CRPPA: variants seen among roughly 807,000 people sequenced by gnomAD.
CRPPA encodes the protein D-ribitol-5-phosphate cytidylyltransferase.
CRPPA carries 43 observed loss-of-function variants against 52.0 expected under a neutral mutation model. That is an observed-to-expected ratio of 0.83 (90% CI 0.65 to 1.07). CRPPA has a LOEUF of 1.07. Ranked by LOEUF, CRPPA falls within the 50% of genes least tolerant of loss-of-function variation. The probability of loss-of-function intolerance (pLI) is 0.00; values close to 1 mark genes in which losing one functional copy is unlikely to be tolerated. For synonymous variants in CRPPA, 250 were observed against 203.5 expected (o/e 1.23, Z -1.94); for missense variants, 629 against 551.7 (o/e 1.14, Z -1.40).
intron 5 of CRPPA, among the ~76,000 whole-genome samples, chr7:16,295,091 C>A (rs1192170081): frequency 6.6e-6 from 1 of 151,944 alleles, no homozygotes; most frequent in East Asian, 1.9e-4. Context: ...GCAGTCAATG[C>A]CAATTAAAAG....
At chr7:16,256,395 C>T (rs1009181836) in intron 8 of CRPPA, among the ~76,000 whole-genome samples, 1 of 152,172 alleles carries the variant, frequency 6.6e-6, no homozygotes, top group Middle Eastern at 3.2e-3. Context: ...CCATTAGACC[C>T]AGCAATCCCA....
chr7:16,351,858 C>T (rs4392789), intron 3 of CRPPA, among the ~76,000 whole-genome samples: 140,847 of 152,196 alleles, frequency 0.93, 65,415 homozygotes, highest in East Asian at 0.98. Context: ...AGTGTGGCAA[C>T]TCCTCAAGAA....
chr7:16,214,742 AG>A (rs1782258474), intron 9 of CRPPA, among the ~76,000 whole-genome samples: 1 of 152,064 alleles, frequency 6.6e-6, no homozygotes, highest in African/African-American at 2.4e-5. Flanking sequence ...CCTAACCTCA[AG>A]TGATCCGCCC....
chr7:16,252,373 C>G (rs773671120), intron 8 of CRPPA, among the ~76,000 whole-genome samples: 3 of 152,138 alleles, frequency 2.0e-5, no homozygotes, highest in East Asian at 1.9e-4. Flanking sequence ...TAAAAACTCT[C>G]AATAAACTAA....
At chr7:16,414,704 G>C (rs1430081218) in intron 1 of CRPPA, among the ~76,000 whole-genome samples, 1 of 152,146 alleles carries the variant, frequency 6.6e-6, no homozygotes, top group Admixed American at 6.5e-5. Context: ...CGAAAACTAA[G>C]ATTCCCTTTA....
intron 5 of CRPPA, among the ~76,000 whole-genome samples, 188 bp downstream of exon 5, chr7:16,301,233 T>TCATA (rs1297961257): frequency 6.6e-6 from 1 of 152,218 alleles, no homozygotes; most frequent in African/African-American, 2.4e-5. Context: ...CAATGTGGTA[T>TCATA]CATAGTAACT....
intron 9 of CRPPA, among the ~76,000 whole-genome samples, chr7:16,136,674 AT>A (rs992313183): frequency 6.4e-4 from 98 of 152,328 alleles, no homozygotes; most frequent in African/African-American, 2.3e-3. Context: ...AGCTGTCTCC[AT>A]TACGTTAAGT....
rs541393594 is a variant in CRPPA at position 16,179,424 on chromosome 7, T to A, written c.1251+36642A>T. ...TAAAGATCTTGAAATGAGAAGGTTA[T>A]CCTGGATTATCTTTATCTGAGTGGG... On this transcript the variant is annotated intron_variant, in intron 9 of 9. Coordinates refer to ENST00000407010, the MANE Select transcript of CRPPA (RefSeq NM_001101426.4). Among the ~76,000 whole-genome samples the A allele has an allele frequency of 2.4e-3, 364 of 152,008 alleles. 2 individuals are homozygous for A. Among genetic ancestry groups the A allele is most frequent in the South Asian group, 3.5e-3 (17 of 4,818 alleles).
intron 6 of CRPPA, among the ~76,000 whole-genome samples, chr7:16,266,861 G>T (rs370599533): frequency 8.5e-5 from 13 of 152,154 alleles, no homozygotes; most frequent in African/African-American, 2.4e-4. Context: ...TCTTTCTGTC[G>T]AGCTTTCATG....
intron 9 of CRPPA, among the ~76,000 whole-genome samples, chr7:16,145,907 G>C (rs1304931009): frequency 6.6e-6 from 1 of 151,990 alleles, no homozygotes; most frequent in Non-Finnish European, 1.5e-5. Flanking sequence ...CTTTTTCAAA[G>C]AAATAATGAC....
chr7:16,271,060 T>C (rs1188597341), intron 6 of CRPPA, among the ~76,000 whole-genome samples: 1 of 152,062 alleles, frequency 6.6e-6, no homozygotes, highest in South Asian at 2.1e-4. Context: ...AGAGCATGCT[T>C]TACACGTGAT....
At chr7:16,244,671 G>A (rs1048341741) in intron 8 of CRPPA, among the ~76,000 whole-genome samples, 3 of 152,156 alleles carry the variant, frequency 2.0e-5, no homozygotes, top group East Asian at 1.9e-4. Flanking sequence ...AAGTGATGAC[G>A]CTGCAAATGA....
At chr7:16,117,868 T>C (rs142623641) in intron 9 of CRPPA, among the ~76,000 whole-genome samples, 3 of 152,222 alleles carry the variant, frequency 2.0e-5, no homozygotes, top group Non-Finnish European at 4.4e-5. Context: ...TATGCAACAT[T>C]GCACTTGTGT....
chr7:16,264,876 C>T (rs1783911248), intron 6 of CRPPA, among the ~76,000 whole-genome samples: 1 of 152,116 alleles, frequency 6.6e-6, no homozygotes, highest in Non-Finnish European at 1.5e-5. Context: ...GACTCTGGTA[C>T]CAAGATCCCT....
At chr7:16,397,894 C>CA (rs1320750264) in intron 2 of CRPPA, among the ~76,000 whole-genome samples, 3 of 152,028 alleles carry the variant, frequency 2.0e-5, no homozygotes, top group African/African-American at 7.2e-5. Context: ...AACGTGTGAC[C>CA]AAAGCATGTT....
At chr7:16,222,360 G>A (rs1469829730) in intron 8 of CRPPA, among the ~76,000 whole-genome samples, 1 of 147,864 alleles carries the variant, frequency 6.8e-6, no homozygotes, top group Admixed American at 6.8e-5. Flanking sequence ...CGAGTTAGTG[G>A]GTGCAGCGCA....
At position 16,376,028 on chromosome 7, in the gene CRPPA, A is replaced by C. The variant is rs1320832546; in HGVS notation, c.684+64T>G. The C allele has an allele frequency of 4.0e-6, 6 of 1,485,570 alleles. No individual in the cohort carries two copies. In the East Asian group the frequency reaches 1.2e-4, roughly 31 times the overall value. The allele number at this position is 1,485,570 out of a possible 1,614,324, so 92.0% of individuals were successfully genotyped here. On this transcript the variant is annotated intron_variant, in intron 3 of 9. Transcript: ENST00000407010. ...TCCCATCAGTTCTGGAAATTCTCCA[A>C]ATGTGGAGGTTGTTTGGGGAACCTG...
chr7:16,121,658 A>T (rs954363724), intron 9 of CRPPA, among the ~76,000 whole-genome samples: 13 of 152,096 alleles, frequency 8.5e-5, no homozygotes, highest in African/African-American at 3.1e-4. Flanking sequence ...TTGAGTCAAA[A>T]TGTCATTTTC....
chr7:16,221,191 G>C (rs1459879559), intron 8 of CRPPA, among the ~76,000 whole-genome samples: 12 of 152,238 alleles, frequency 7.9e-5, no homozygotes, highest in East Asian at 3.9e-4. Flanking sequence ...ACAAGCAATG[G>C]GGAAAGGATT....
Sources: gnomAD v4.1 joint callset for allele counts (sites outside exome capture counted in the v4.1 genomes callset) on GRCh38, gnomAD v4.1.1 for gene constraint, MANE v1.5 for transcripts, NCBI Gene and HGNC (gene_info 2026-07-23, HGNC 2026-07-21) for gene names.